The following DCTN1 variants were observed in gnomAD, a reference collection of about 807,000 sequenced individuals.
The protein encoded by DCTN1 is dynactin subunit 1.
A neutral mutation model predicts 161.2 loss-of-function variants in DCTN1; 61 were observed. The observed-to-expected ratio is 0.38, with a 90% CI of 0.31 to 0.47. DCTN1 has a LOEUF of 0.47. Among genes scored for constraint, DCTN1 ranks in the 20% least tolerant of loss-of-function variants. The pLI, the probability that DCTN1 is intolerant of heterozygous loss-of-function variation, is 0.99. For synonymous variants in DCTN1, 653 were observed against 632.4 expected (o/e 1.03, Z -0.49); for missense variants, 1,404 against 1,623.7 (o/e 0.86, Z 2.33).
chr2:74,380,929 T>C (rs1675483746), upstream of DCTN1, among the ~76,000 whole-genome samples: 2 of 152,188 alleles, frequency 1.3e-5, no homozygotes, highest in South Asian at 4.1e-4. Context: ...CTAAAGGCAG[T>C]AGTCAAAAGC....
chr2:74,377,508 G>A, intron 3 of DCTN1, 42 bp from the exon 4 acceptor site: 1 of 1,572,540 alleles, frequency 6.4e-7, no homozygotes, highest in Non-Finnish European at 8.8e-7. Flanking sequence ...CTTGTATAGA[G>A]AGGTAGGGGG....
At chr2:74,381,973 G>C (rs1197200340), upstream of DCTN1, among the ~76,000 whole-genome samples, 5 of 152,216 alleles carry the variant, frequency 3.3e-5, no homozygotes, top group Admixed American at 3.3e-4. Flanking sequence ...CTGAGTCTTT[G>C]AGAACTGAGC....
At position 74,361,208 on chromosome 2, in the gene DCTN1, C is replaced by G. The variant is rs1300763198; in HGVS notation, c.*291G>C. The G allele has an allele frequency of 1.8e-6, 1 of 557,460 alleles. No homozygotes were observed. The highest frequency in any genetic ancestry group is 3.4e-6 in the Non-Finnish European group (1 of 293,970). 34.5% of individuals were successfully genotyped at this position (557,460 alleles called of 1,614,324 possible). ...GGGTGAAGTCCTCAATCAAGGGGAC[C>G]TCACTTAACCTTTGGTGGTGGGGTC... On this transcript the variant is annotated 3_prime_UTR_variant, in exon 32 of 32. Transcript: ENST00000628224.
chr2:74,374,367 G>C (rs1675090063), intron 5 of DCTN1, 27 bp from the exon 6 acceptor site: 1 of 1,609,824 alleles, frequency 6.2e-7, no homozygotes, highest in South Asian at 1.1e-5. Context: ...GAAAACCAAA[G>C]AAAGCAAGGA....
At chr2:74,384,648 C>T (rs1202533323), upstream of DCTN1, among the ~76,000 whole-genome samples, 1 of 152,146 alleles carries the variant, frequency 6.6e-6, no homozygotes, top group East Asian at 1.9e-4. Flanking sequence ...GAGGAAAAGC[C>T]TCTTTTCCAC....
Position 74,366,663 on chromosome 2 carries a change from A to G in DCTN1, c.2467-43T>C, listed in dbSNP as rs769633629. Reference sequence around the variant, plus strand: ...GTCAGGAGTCAACCCTGGGTTCAGCACCACAGTTTCCAGCTACCCCAAAAC... The same window carrying G: ...GTCAGGAGTCAACCCTGGGTTCAGCGCCACAGTTTCCAGCTACCCCAAAAC... On this transcript the variant is annotated intron_variant, in intron 21 of 31. Coordinates refer to ENST00000628224, the MANE Select transcript of DCTN1 (RefSeq NM_004082.5). 21 of 1,613,534 alleles carry G rather than the reference A, an allele frequency of 1.3e-5. No individual in the cohort carries two copies. The South Asian group carries it at 2.1e-4, about 16-fold the overall frequency.
At chr2:74,374,779 T>G in intron 5 of DCTN1, 1 of 1,100,090 alleles carries the variant, frequency 9.1e-7, no homozygotes, top group Admixed American at 4.4e-5. Flanking sequence ...TGCTGGCTCC[T>G]CCTCCTCATG....
intron 1 of DCTN1, chr2:74,391,122 G>T (rs1675976819): frequency 6.5e-6 from 1 of 152,756 alleles, no homozygotes; most frequent in African/African-American, 2.4e-5. Flanking sequence ...GGCTTTGGCA[G>T]TACATTAAGT....
intron 5 of DCTN1, among the ~76,000 whole-genome samples, chr2:74,375,878 C>A (rs1287146663): frequency 1.3e-5 from 2 of 152,178 alleles, no homozygotes; most frequent in Non-Finnish European, 2.9e-5. Flanking sequence ...CCTCCCACAG[C>A]CCCAATCCAG....
chr2:74,391,628 G>C (rs879935502), intron 1 of DCTN1: 2 of 360,108 alleles, frequency 5.6e-6, no homozygotes, highest in Non-Finnish European at 1.1e-5. Flanking sequence ...GGGTCAGACC[G>C]GCCTCGGGGC....
chr2:74,368,026 C>G lies in DCTN1; in HGVS notation c.1960G>C (p.Ala654Pro). 1.2e-6 allele frequency: 2 copies of G among 1,614,204 alleles called. No individual in the cohort carries two copies. The highest frequency in any genetic ancestry group is 1.7e-6 in the Non-Finnish European group (2 of 1,180,036). The part of the protein sequence containing the change: ...GAAGEQLSFA[A>P]GLVYSLSLLQ... ...AGGCTCAGCGAGTACACCAGTCCAG[C>G]AGCAAAGCTGAGTTGCTCCCCAGCA... is the stretch of plus-strand genomic sequence containing the variant. The change falls in exon 17 of 32, where the codon GCT becomes CCT. Residue 654 changes from alanine to proline, a missense_variant. This residue lies in a region of DCTN1 where 475 missense variants were observed against 489.8 expected (regional missense o/e 0.97). Coordinates refer to ENST00000628224, the MANE Select transcript of DCTN1 (RefSeq NM_004082.5).
rs73948789 is a variant in DCTN1, at chr2:74,378,256, C to G, written c.34-11G>C. 11 of 1,603,874 alleles carry G rather than the reference C, an allele frequency of 6.9e-6. No individual in the cohort carries two copies. The highest frequency in any genetic ancestry group is 1.7e-5 in the Admixed American group (1 of 60,026). On this transcript the variant is annotated splice_polypyrimidine_tract_variant and intron_variant, in intron 1 of 31. Transcript: ENST00000628224. ...GCTGCCGCTGGGCGTCTGAAAGACA[C>G]AGGTAAACACAGACAGTTAGAGGCC...
intron 1 of DCTN1, among the ~76,000 whole-genome samples, chr2:74,388,382 A>G (rs964510385): frequency 3.3e-5 from 5 of 152,196 alleles, no homozygotes; most frequent in African/African-American, 1.2e-4. Flanking sequence ...ATCTCTAAAC[A>G]ACAAAACAAA....
In DCTN1 at chr2:74,370,592, T is replaced by C. The variant is rs759135008; in HGVS notation, c.1048+29A>G. ...TCAGGCATGGTTCTCACCTGACCGT[T>C]TGGCCCCCAGCAGCTGTGGGCCCCT... On this transcript the variant is annotated intron_variant, in intron 10 of 31. Coordinates refer to ENST00000628224, the MANE Select transcript of DCTN1 (RefSeq NM_004082.5). This position sits in a 1 kb window ranked among gnomAD's most constrained non-coding sequence, Gnocchi z 4.4. 5 of 1,613,966 alleles carry C rather than the reference T, an allele frequency of 3.1e-6. No individual in the cohort carries two copies. Among genetic ancestry groups the C allele is most frequent in the South Asian group, 1.1e-5 (1 of 91,090 alleles).
chr2:74,363,002 G>A lies in DCTN1; in HGVS notation c.3521C>T (p.Thr1174Ile), dbSNP rs1674128787. 6.2e-7 allele frequency: 1 copy of A among 1,612,970 alleles called. No individual in the cohort carries two copies. ...GGTTGGCAGGTACATACCAGGGCTG[G>A]TGCGAGTGATGTCTACTACGTGCGT... ...THTHVVDITRTSPAAKSPSAQ... is the reference protein window; with the variant it reads ...THTHVVDITRISPAAKSPSAQ... The change falls in exon 29 of 32, where the codon ACC becomes ATC. Residue 1174 changes from threonine (T) to isoleucine (I), a missense_variant. Physicochemically the swap from Thr to Ile is moderately conservative, Grantham distance 89 (BLOSUM62 -1). Coordinates refer to ENST00000628224, the MANE Select transcript of DCTN1 (RefSeq NM_004082.5).
intron 1 of DCTN1, 33 bp from the exon 2 acceptor site, chr2:74,378,278 G>C (rs370967001): frequency 4.8e-5 from 77 of 1,600,548 alleles, no homozygotes; most frequent in Non-Finnish European, 6.3e-5. Context: ...GACAGTTAGA[G>C]GCCTCAGATC....
intron 1 of DCTN1, chr2:74,391,704 C>T (rs1039147569): frequency 4.4e-5 from 19 of 427,756 alleles, no homozygotes; most frequent in African/African-American, 3.7e-4. Context: ...GCCCCGCACA[C>T]CGGGCTCGGT....
intron 1 of DCTN1, chr2:74,390,602 A>G (rs1408230920): frequency 6.4e-6 from 3 of 467,906 alleles, no homozygotes; most frequent in South Asian, 3.1e-5. Context: ...CTGGACAGAT[A>G]AAGTGACTCT....
intron 5 of DCTN1, 79 bp from the exon 6 acceptor site, chr2:74,374,419 A>G: frequency 2.5e-6 from 4 of 1,604,000 alleles, no homozygotes; most frequent in South Asian, 1.1e-5. Flanking sequence ...AAACACACGG[A>G]GGAAGGACAG....
Sources: allele counts gnomAD v4.1 joint callset (sites outside exome capture counted in the v4.1 genomes callset), GRCh38; gene constraint gnomAD v4.1.1; regional missense constraint gnomAD v4.1.1; non-coding constraint Gnocchi (gnomAD v3.1); transcripts MANE v1.5; gene names NCBI Gene and HGNC (gene_info 2026-07-23, HGNC 2026-07-21).